Variants in PRCP observed in about 807,000 individuals in gnomAD.
The protein encoded by PRCP is prolylcarboxypeptidase.
Under a neutral mutation model 54.2 loss-of-function variants are expected in PRCP, and 46 were observed. That is an observed-to-expected ratio of 0.85 (90% CI 0.67 to 1.09). The LOEUF (loss-of-function observed/expected upper bound fraction) is 1.09, where lower values mean the gene tolerates loss of function less well. Ranked by LOEUF, PRCP falls within the 50% of genes least tolerant of loss-of-function variation. The pLI is 0.00. For missense variants in PRCP, 613 were observed against 596.8 expected (o/e 1.03, Z -0.28); for synonymous variants, 240 against 212.2 (o/e 1.13, Z -1.14).
At chr11:82,853,367 A>T in intron 2 of PRCP, 89 bp from the exon 3 acceptor site, 1 of 996,334 alleles carries the variant, frequency 1.0e-6, no homozygotes, top group East Asian at 2.7e-5. Flanking sequence ...AATAGATGTT[A>T]AGCCAGAACA....
chr11:82,849,936 G>A lies in PRCP; in HGVS notation c.729C>T (p.Ala243=), dbSNP rs1858905483. 1 of 1,509,784 alleles carries A rather than the reference G, an allele frequency of 6.6e-7. No homozygotes were observed. 93.5% of individuals were successfully genotyped at this position (1,509,784 alleles called of 1,614,324 possible). The change falls in exon 5 of 9, where the codon GCC becomes GCT. Residue 243 remains alanine (A), a synonymous_variant. Transcript: ENST00000313010. ...TACCAGTATTTGAGAGTCGATTAAT[G>A]GCATCCCAGGACCTGTGGATGCTCT... ...CSESIHRSWD[A]INRLSNTGSG... is the part of the protein sequence containing the mutation.
At chr11:82,828,142 A>C (rs1858288409) in intron 8 of PRCP, 1 of 152,214 alleles carries the variant, frequency 6.6e-6, no homozygotes, top group African/African-American at 2.4e-5. Context: ...ATAAAAGAGA[A>C]AACTAATGCC....
At chr11:82,883,867 G>A (rs185100829) in intron 1 of PRCP, among the ~76,000 whole-genome samples, 22 of 152,230 alleles carry the variant, frequency 1.4e-4, no homozygotes, top group African/African-American at 4.3e-4. Context: ...TACATAAAAA[G>A]GCAAACCACA....
At chr11:82,875,947 T>C (rs1172081475) in intron 1 of PRCP, among the ~76,000 whole-genome samples, 2 of 152,212 alleles carry the variant, frequency 1.3e-5, no homozygotes, top group Non-Finnish European at 2.9e-5. Context: ...CAGGCTTCTC[T>C]ACATGGATTT....
intron 6 of PRCP, among the ~76,000 whole-genome samples, chr11:82,847,628 G>A (rs554465439): frequency 2.3e-4 from 35 of 151,702 alleles, no homozygotes; most frequent in Non-Finnish European, 1.9e-4. Flanking sequence ...TTTTTTTGAC[G>A]CAGGATCTAG....
Position 82,900,418 on chromosome 11 carries a change from C to T in PRCP, c.-16G>A. 6.2e-7 allele frequency: 1 copy of T among 1,611,880 alleles called. No homozygotes were observed. Among genetic ancestry groups the T allele is most frequent in the Middle Eastern group, 1.8e-4 (1 of 5,678 alleles). Reference sequence around the variant, plus strand: ...GGCGGCCCATGGCTCAGGCTGGAGACTGCAGTGCGGGTGGGAGGGCGAAAA... The same window carrying T: ...GGCGGCCCATGGCTCAGGCTGGAGATTGCAGTGCGGGTGGGAGGGCGAAAA... On this transcript the variant is annotated 5_prime_UTR_variant, in exon 1 of 9. Coordinates refer to ENST00000313010, the MANE Select transcript of PRCP (RefSeq NM_005040.4).
intron 6 of PRCP, among the ~76,000 whole-genome samples, chr11:82,842,449 T>C (rs1318476429): frequency 6.6e-6 from 1 of 152,044 alleles, no homozygotes; most frequent in Non-Finnish European, 1.5e-5. Context: ...TGTACACAAC[T>C]TACGAAGGGC....
rs902494428 is a variant in PRCP at position 82,823,341 on chromosome 11, G to C, written c.*1565C>G. 2.0e-5 allele frequency among the ~76,000 whole-genome samples: 3 copies of C among 151,994 alleles called. No individual in the cohort carries two copies. Among genetic ancestry groups the C allele is most frequent in the African/African-American group, 7.3e-5 (3 of 41,372 alleles). ...AAGAATAAAAACTAGTATTGTTTTG[G>C]CCCTTAAATTCCCACCCAAATCGAT... On this transcript the variant is annotated 3_prime_UTR_variant, in exon 9 of 9. Transcript: ENST00000313010.
At chr11:82,867,719 T>C (rs191242838) in intron 1 of PRCP, among the ~76,000 whole-genome samples, 6 of 151,558 alleles carry the variant, frequency 4.0e-5, no homozygotes, top group East Asian at 3.9e-4. Flanking sequence ...AGACCATTAC[T>C]TTTTTTTTGT....
At position 82,824,963 on chromosome 11, in the gene PRCP, A is replaced by G. The variant is rs764605807; in HGVS notation, c.1434T>C (p.Val478=). 7 of 1,614,098 alleles carry G rather than the reference A, an allele frequency of 4.3e-6. No individual in the cohort carries two copies. The highest frequency in any genetic ancestry group is 5.1e-6 in the Non-Finnish European group (6 of 1,179,974). ...CTCTGATCCAATTCTTCATATGTCT[A>G]ACTTCCAAGGAGCGGGCTAACAGCA... ...MSVLLARSLE[V]RHMKNWIRDF... is the part of the protein sequence containing the mutation. Residue 478 remains valine (V), a synonymous_variant, in exon 9 of 9, where the codon GTT becomes GTC. Coordinates refer to ENST00000313010, the MANE Select transcript of PRCP (RefSeq NM_005040.4).
At chr11:82,845,745 CA>C (rs1167877231) in intron 6 of PRCP, 1 of 147,186 alleles carries the variant, frequency 6.8e-6, no homozygotes, top group African/African-American at 2.4e-5. Flanking sequence ...CCAAAATTAA[CA>C]AATTACAGCA....
chr11:82,859,252 A>C (rs984364565), intron 2 of PRCP, among the ~76,000 whole-genome samples: 3 of 152,238 alleles, frequency 2.0e-5, no homozygotes, highest in African/African-American at 7.2e-5. Context: ...TAGTCAGGGA[A>C]GCAAGCTAAC....
At position 82,863,104 on chromosome 11, in the gene PRCP, A is replaced by G. The variant is rs761074847; in HGVS notation, c.169-2987T>C. Among the ~76,000 whole-genome samples the G allele has an allele frequency of 3.9e-5, 6 of 152,290 alleles. No individual in the cohort carries two copies. In the East Asian group the frequency reaches 5.8e-4, roughly 15 times the overall value. The stretch of plus-strand genomic sequence containing the variant: ...CACCTGAGAACTTGCTGAAAATGCA[A>G]TCCCCTTGGCTGAATCCCAGACCTA... On this transcript the variant is annotated intron_variant, in intron 1 of 8. Coordinates refer to ENST00000313010, the MANE Select transcript of PRCP (RefSeq NM_005040.4).
chr11:82,857,034 CAA>C (rs11388763), intron 2 of PRCP, among the ~76,000 whole-genome samples: 3 of 118,992 alleles, frequency 2.5e-5, no homozygotes, highest in African/African-American at 6.6e-5. Flanking sequence ...GCCTCTGTCT[CAA>C]AAAAAAAAAA....
At chr11:82,866,071 G>C (rs998798027) in intron 1 of PRCP, among the ~76,000 whole-genome samples, 1 of 152,178 alleles carries the variant, frequency 6.6e-6, no homozygotes, top group African/African-American at 2.4e-5. Flanking sequence ...GCTCTTGGAT[G>C]ACTCCTGGTT....
In PRCP at chr11:82,882,854, A is replaced by AAC. The variant is rs3222274; in HGVS notation, c.168+17379_168+17380dup. Reference sequence around the variant, plus strand: ...TGAGTTGGAGAAAAACTACCTGTGCAACACACACACACACACACACAGCCC... The same window carrying AAC: ...TGAGTTGGAGAAAAACTACCTGTGCAACACACACACACACACACACACAGCCC... On this transcript the variant is annotated intron_variant, in intron 1 of 8. Coordinates refer to ENST00000313010, the MANE Select transcript of PRCP (RefSeq NM_005040.4). Among the ~76,000 whole-genome samples, 180 of 71,984 alleles carry AAC rather than the reference A, an allele frequency of 2.5e-3. 1 individual carries two copies. The highest frequency in any genetic ancestry group is 6.5e-3 in the African/African-American group (79 of 12,066). 47.2% of individuals were successfully genotyped at this position (71,984 alleles called of 152,430 possible). A position where few individuals can be genotyped will look rare whatever the true frequency, so the allele number is the denominator to read the frequency against.
chr11:82,840,371 G>T (rs965219370), intron 6 of PRCP: 1 of 151,972 alleles, frequency 6.6e-6, no homozygotes, highest in Non-Finnish European at 1.5e-5. Context: ...TCCACCACCA[G>T]AAGAAGAACC....
At chr11:82,899,592 A>C (rs867269133) in intron 1 of PRCP, among the ~76,000 whole-genome samples, 1 of 152,238 alleles carries the variant, frequency 6.6e-6, no homozygotes, top group Middle Eastern at 3.2e-3. Flanking sequence ...AAAGGCATCA[A>C]GCCCAAAAAC....
intron 1 of PRCP, 96 bp downstream of exon 1, chr11:82,900,139 G>C (rs1483259853): frequency 1.4e-5 from 20 of 1,443,398 alleles, no homozygotes; most frequent in Admixed American, 1.9e-5. Context: ...GGCATCAAGG[G>C]GTGTGAATTT....
Sources: allele counts gnomAD v4.1 joint callset (sites outside exome capture counted in the v4.1 genomes callset), GRCh38; gene constraint gnomAD v4.1.1; transcripts MANE v1.5; gene names NCBI Gene and HGNC (gene_info 2026-07-23, HGNC 2026-07-21).